Variants in RCAN2 observed in about 807,000 individuals in gnomAD.
RCAN2 encodes calcipressin-2.
Under a neutral mutation model 23.6 loss-of-function variants are expected in RCAN2, and 9 were observed. The observed-to-expected ratio is 0.38, with a 90% CI of 0.23 to 0.67. The LOEUF (loss-of-function observed/expected upper bound fraction) is 0.67, where lower values mean the gene tolerates loss of function less well. Among genes scored for constraint, RCAN2 ranks in the 30% least tolerant of loss-of-function variants. The pLI is 0.51. For missense variants in RCAN2, 273 were observed against 302.3 expected, an observed-to-expected ratio of 0.90 and a Z score of 0.72; for synonymous variants, 109 against 115.7, an observed-to-expected ratio of 0.94 and a Z score of 0.37.
chr6:46,389,489 C>T (rs1024260859), intron 2 of RCAN2, among the ~76,000 whole-genome samples: 1 of 152,306 alleles, frequency 6.6e-6, no homozygotes, highest in Non-Finnish European at 1.5e-5. Context: ...CTGATGACAG[C>T]GATATTACCC....
chr6:46,365,285 G>A (rs1370520552), intron 2 of RCAN2, among the ~76,000 whole-genome samples: 6 of 151,980 alleles, frequency 3.9e-5, no homozygotes, highest in Non-Finnish European at 5.9e-5. Context: ...AGACCAGCCT[G>A]GCCAACATGG....
At chr6:46,225,447 G>A (rs886491945) in intron 4 of RCAN2, among the ~76,000 whole-genome samples, 5 of 152,258 alleles carry the variant, frequency 3.3e-5, no homozygotes, top group African/African-American at 1.2e-4. Context: ...AGCACCTGTT[G>A]TTTCCTGACT....
intron 2 of RCAN2, among the ~76,000 whole-genome samples, chr6:46,349,443 GA>G (rs1319212474): frequency 3.9e-5 from 6 of 152,016 alleles, no homozygotes; most frequent in Admixed American, 1.3e-4. Flanking sequence ...ACAGTATTAG[GA>G]AAAATCGCTA....
rs1444472874 is a variant in RCAN2 at position 46,466,354 on chromosome 6, C to T, written c.-2-9376G>A. Among the ~76,000 whole-genome samples, 3 of 152,206 alleles carry T rather than the reference C, an allele frequency of 2.0e-5. No individual in the cohort carries two copies. The East Asian group carries it at 5.8e-4, about 29-fold the overall frequency. ...AAGCAGGGAGTGAGAGATACTGCAG[C>T]TTTGAGAAAAATACAGCTAAGAAGG... On this transcript the variant is annotated intron_variant, in intron 1 of 4. Transcript: ENST00000371374.
intron 2 of RCAN2, among the ~76,000 whole-genome samples, chr6:46,348,861 C>T (rs941032938): frequency 6.6e-6 from 1 of 152,152 alleles, no homozygotes; most frequent in African/African-American, 2.4e-5. Context: ...CTCCGTAAGA[C>T]ATATTCCCCC....
At chr6:46,289,559 C>T (rs1762475926) in intron 2 of RCAN2, among the ~76,000 whole-genome samples, 1 of 152,164 alleles carries the variant, frequency 6.6e-6, no homozygotes, top group Non-Finnish European at 1.5e-5. Context: ...GGGTATCACG[C>T]AGATACTTCT....
At chr6:46,488,891 G>C (rs544499687) in intron 1 of RCAN2, among the ~76,000 whole-genome samples, 1 of 152,002 alleles carries the variant, frequency 6.6e-6, no homozygotes, top group East Asian at 1.9e-4. Flanking sequence ...TTTTGTTTTG[G>C]TCTGTGCCAC....
intron 2 of RCAN2, among the ~76,000 whole-genome samples, chr6:46,360,647 G>A (rs1289368581): frequency 6.6e-6 from 1 of 151,822 alleles, no homozygotes; most frequent in Non-Finnish European, 1.5e-5. Flanking sequence ...AAGAAACTGA[G>A]GATAAAAGAC....
intron 2 of RCAN2, among the ~76,000 whole-genome samples, chr6:46,310,583 T>A (rs950696030): frequency 6.8e-6 from 1 of 147,716 alleles, no homozygotes; most frequent in African/African-American, 2.7e-5. Flanking sequence ...TCCAAAGAAA[T>A]CTCTTAGTGG....
chr6:46,346,014 T>G (rs1764471609), intron 2 of RCAN2, among the ~76,000 whole-genome samples: 1 of 152,236 alleles, frequency 6.6e-6, no homozygotes, highest in Admixed American at 6.5e-5. Context: ...AATTTTTACT[T>G]GTGTAAAGAT....
At chr6:46,329,893 C>G (rs1361434650) in intron 2 of RCAN2, among the ~76,000 whole-genome samples, 1 of 152,198 alleles carries the variant, frequency 6.6e-6, no homozygotes, top group African/African-American at 2.4e-5. Flanking sequence ...AGCTGATACA[C>G]TCACCTCCAT....
At chr6:46,293,183 A>G (rs1762621424) in intron 2 of RCAN2, among the ~76,000 whole-genome samples, 3 of 152,204 alleles carry the variant, frequency 2.0e-5, no homozygotes, top group South Asian at 4.1e-4. Context: ...TGCAATAAAC[A>G]TACGTGTGCA....
intron 2 of RCAN2, among the ~76,000 whole-genome samples, chr6:46,323,022 A>G (rs921270126): frequency 7.2e-5 from 11 of 152,190 alleles, no homozygotes; most frequent in Non-Finnish European, 1.5e-4. Context: ...TTTACATTAG[A>G]TGATTAAATA....
chr6:46,305,346 A>G (rs1763028625), intron 2 of RCAN2, among the ~76,000 whole-genome samples: 1 of 152,032 alleles, frequency 6.6e-6, no homozygotes, highest in Admixed American at 6.6e-5. Flanking sequence ...TTTCCACAGA[A>G]TCCAGCAGAT....
chr6:46,333,378 C>T (rs531564100), intron 2 of RCAN2, among the ~76,000 whole-genome samples: 2 of 152,332 alleles, frequency 1.3e-5, no homozygotes, highest in African/African-American at 4.8e-5. Context: ...TTCCTTTTTA[C>T]ACCTGTATAG....
At chr6:46,361,037 G>T (rs538116381) in intron 2 of RCAN2, among the ~76,000 whole-genome samples, 2 of 137,720 alleles carry the variant, frequency 1.5e-5, no homozygotes, top group African/African-American at 4.9e-5. Flanking sequence ...ACATCTGGAT[G>T]CTCCTTAAAT....
chr6:46,385,838 C>G (rs543334731), intron 2 of RCAN2, among the ~76,000 whole-genome samples: 147 of 101,484 alleles, frequency 1.4e-3, no homozygotes, highest in African/African-American at 5.6e-3. Context: ...GCCTGGGCAG[C>G]AAAACAAGAC....
At chr6:46,363,287 C>A (rs1475265791) in intron 2 of RCAN2, among the ~76,000 whole-genome samples, 1 of 152,118 alleles carries the variant, frequency 6.6e-6, no homozygotes, top group African/African-American at 2.4e-5. Flanking sequence ...CTAGGTTTCT[C>A]ATATGTGCAT....
At chr6:46,319,993 G>T (rs184022128) in intron 2 of RCAN2, among the ~76,000 whole-genome samples, 602 of 152,268 alleles carry the variant, frequency 4.0e-3, no homozygotes, top group Non-Finnish European at 6.4e-3. Flanking sequence ...TAGGGAATGA[G>T]CATTTCAGTT....
Sources: gnomAD v4.1 joint callset for allele counts (sites outside exome capture counted in the v4.1 genomes callset) on GRCh38, gnomAD v4.1.1 for gene constraint, MANE v1.5 for transcripts, NCBI Gene and HGNC (gene_info 2026-07-23, HGNC 2026-07-21) for gene names.